ITGB8: variants seen among roughly 807,000 people sequenced by gnomAD.
The protein encoded by ITGB8 is integrin subunit beta 8, also known as integrin beta-8.
A neutral mutation model predicts 89.5 loss-of-function variants in ITGB8; 30 were observed. The ratio of observed to expected loss-of-function variants is 0.34; its 90% CI spans 0.25 to 0.45. The LOEUF is 0.45. ITGB8 is among the 20% of genes least tolerant of loss of function. The probability of loss-of-function intolerance (pLI) is 1.00; values close to 1 mark genes in which losing one functional copy is unlikely to be tolerated. For missense variants in ITGB8, 836 were observed against 933.3 expected, an observed-to-expected ratio of 0.90 and a Z score of 1.36; for synonymous variants, 335 against 320.4, an observed-to-expected ratio of 1.05 and a Z score of -0.49.
upstream of ITGB8, chr7:20,329,830 T>G (rs1004795952): frequency 6.6e-6 from 1 of 152,138 alleles, no homozygotes; most frequent in African/African-American, 2.4e-5. Flanking sequence ...AAACACTGCC[T>G]TGTTTCCAAT....
chr7:20,379,366 G>T (rs779033825), intron 4 of ITGB8, 69 bp downstream of exon 4: 11 of 1,053,434 alleles, frequency 1.0e-5, no homozygotes, highest in Non-Finnish European at 1.4e-5. Context: ...TGTTTTTAAT[G>T]TAAAGAACTT....
At chr7:20,408,153 C>G (rs950638187) in intron 12 of ITGB8, among the ~76,000 whole-genome samples, 5 of 152,106 alleles carry the variant, frequency 3.3e-5, no homozygotes, top group African/African-American at 1.2e-4. Context: ...TTGAGTAGTC[C>G]TAAATCAACC....
intron 4 of ITGB8, 102 bp downstream of exon 4, chr7:20,379,399 TATAAA>T (rs1786282735): frequency 4.2e-6 from 3 of 708,752 alleles, no homozygotes; most frequent in African/African-American, 1.9e-5. Flanking sequence ...ATTTTTATCT[TATAAA>T]ATAAGAATAA....
chr7:20,346,595 G>C (rs1382876644), intron 1 of ITGB8: 1 of 465,352 alleles, frequency 2.1e-6, no homozygotes, highest in African/African-American at 2.1e-5. Context: ...TAATTCTTAG[G>C]GAAGGAAGAG....
chr7:20,394,961 T>C lies in ITGB8; in HGVS notation c.1122T>C (p.Asn374=). The C allele has an allele frequency of 6.2e-7, 1 of 1,612,488 alleles. No homozygotes were observed. The highest frequency in any genetic ancestry group is 1.1e-5 in the South Asian group (1 of 91,046). The change falls in exon 8 of 14, where the codon AAT becomes AAC. Residue 374 remains asparagine, a synonymous_variant. Coordinates refer to ENST00000222573, the MANE Select transcript of ITGB8 (RefSeq NM_002214.3). Reference sequence around the variant, plus strand: ...TAGAATCAAAGGCTGCAAACCTCAATAATTTGGTAGTGGAAGCCTATCAGG... The same window carrying C: ...TAGAATCAAAGGCTGCAAACCTCAACAATTTGGTAGTGGAAGCCTATCAGG... ...GEIESKAANL[N]NLVVEAYQKL...
intron 5 of ITGB8, chr7:20,381,453 T>C: frequency 8.1e-6 from 2 of 247,616 alleles, no homozygotes; most frequent in African/African-American, 2.2e-5. Flanking sequence ...TGAGCCACCG[T>C]GCCTGGCCTC....
chr7:20,387,543 C>G (rs932138821), intron 6 of ITGB8, among the ~76,000 whole-genome samples: 1 of 152,184 alleles, frequency 6.6e-6, no homozygotes, highest in African/African-American at 2.4e-5. Context: ...TTCAGAGCCC[C>G]TGCTGGTGGT....
At chr7:20,396,564 G>A (rs7801277) in intron 8 of ITGB8, among the ~76,000 whole-genome samples, 103,134 of 152,094 alleles carry the variant, frequency 0.68, 35,986 homozygotes, top group East Asian at 0.99. Context: ...AAGGAAGAGC[G>A]TCTTAAATTA....
At chr7:20,390,242 G>C (rs1289970299) in intron 6 of ITGB8, among the ~76,000 whole-genome samples, 2 of 152,128 alleles carry the variant, frequency 1.3e-5, no homozygotes, top group African/African-American at 4.8e-5. Flanking sequence ...ATTGGGCTCA[G>C]TTACATACTA....
In ITGB8 at chr7:20,409,967, T is replaced by C. The variant is rs375056335; in HGVS notation, c.2280T>C (p.Asn760=). 2.0e-4 allele frequency: 319 copies of C among 1,612,640 alleles called. No individual in the cohort carries two copies. The highest frequency in any genetic ancestry group is 2.4e-4 in the Non-Finnish European group (288 of 1,179,602). Residue 760 remains asparagine, a synonymous_variant, in exon 14 of 14, where the codon AAT becomes AAC. Transcript: ENST00000222573. ...TAAAAATGGATATCAGCAAATTAAA[T>C]GCTCATGAAACTTTCAGGTGCAACT... is the stretch of plus-strand genomic sequence containing the variant. The part of the protein sequence containing the change: ...EEIKMDISKL[N]AHETFRCNF
intron 6 of ITGB8, among the ~76,000 whole-genome samples, chr7:20,388,556 G>A (rs957889673): frequency 6.6e-5 from 10 of 152,016 alleles, no homozygotes; most frequent in Admixed American, 6.6e-4. Flanking sequence ...TGAGGTACTT[G>A]GAATTTTCTT....
At position 20,410,040 on chromosome 7, in the gene ITGB8, TA is replaced by T. The variant is rs1460138129; in HGVS notation, c.*45del. On this transcript the variant is annotated 3_prime_UTR_variant, in exon 14 of 14. Transcript: ENST00000222573. ...CTTAATGGGAAACTGGAATTGTTAA[TA>T]ATTGCTCCTAAAGATTATAATTTTA... 9.6e-6 allele frequency: 15 copies of T among 1,570,316 alleles called. No homozygotes were observed. In the African/African-American group the frequency reaches 1.5e-4, roughly 16 times the overall value.
Position 20,394,846 on chromosome 7 carries a change from C to A in ITGB8, c.1057-50C>A, listed in dbSNP as rs755374768. 19 of 1,227,882 alleles carry A rather than the reference C, an allele frequency of 1.5e-5. No homozygotes were observed. In the Admixed American group the frequency reaches 3.1e-4, roughly 20 times the overall value. The allele number at this position is 1,227,882 out of a possible 1,614,324, so 76.1% of individuals were successfully genotyped here. On this transcript the variant is annotated intron_variant, in intron 7 of 13. Transcript: ENST00000222573. ...ATATTTACTATTTGTTGGTTGCTAA[C>A]CCATTACATACTATTGTCATTGTTT... is the stretch of plus-strand genomic sequence containing the variant.
chr7:20,403,247 A>T (rs940454965), intron 10 of ITGB8, among the ~76,000 whole-genome samples: 1 of 152,206 alleles, frequency 6.6e-6, no homozygotes, highest in African/African-American at 2.4e-5. Context: ...ATGAAGCAGC[A>T]GTTGTCTACT....
chr7:20,406,100 A>G lies in ITGB8; in HGVS notation c.1952A>G (p.Gln651Arg), dbSNP rs756725981. 4.3e-6 allele frequency: 7 copies of G among 1,613,134 alleles called. No individual in the cohort carries two copies. The highest frequency in any genetic ancestry group is 5.9e-6 in the Non-Finnish European group (7 of 1,179,120). Residue 651 changes from glutamine (Q) to arginine (R), a missense_variant, in exon 12 of 14, where the codon CAG becomes CGG. By Grantham distance (43) the Gln-to-Arg change is conservative. Coordinates refer to ENST00000222573, the MANE Select transcript of ITGB8 (RefSeq NM_002214.3). ...TGCCTTCACCCTCACAATTTGTCTC[A>G]GGCTATACTTGATCAGTGCAAAACC... ...MQCLHPHNLS[Q>R]AILDQCKTSC...
rs541396949 is a variant in ITGB8, at chr7:20,399,063, G to A, written c.1281+69G>A. 4 of 1,513,568 alleles carry A rather than the reference G, an allele frequency of 2.6e-6. No homozygotes were observed. In the East Asian group the frequency reaches 7.4e-5, roughly 28 times the overall value. The allele number at this position is 1,513,568 out of a possible 1,614,324, so 93.8% of individuals were successfully genotyped here. A position where few individuals can be genotyped will look rare whatever the true frequency, so the allele number is the denominator to read the frequency against. ...TTTGGCGTACTTTCTTACAGAAAAA[G>A]CAAACCATTCTGAAAAATTTTACTT... is the stretch of plus-strand genomic sequence containing the variant. On this transcript the variant is annotated intron_variant, in intron 9 of 13. Coordinates refer to ENST00000222573, the MANE Select transcript of ITGB8 (RefSeq NM_002214.3).
Position 20,413,941 on chromosome 7 carries a change from C to A in ITGB8, c.*3944C>A, listed in dbSNP as rs529270327. The A allele has an allele frequency of 2.0e-5, 3 of 152,098 alleles. No homozygotes were observed. The highest frequency in any genetic ancestry group is 4.4e-5 in the Non-Finnish European group (3 of 67,942). The allele number at this position is 152,098 out of a possible 1,614,324, so 9.4% of individuals were successfully genotyped here. On this transcript the variant is annotated 3_prime_UTR_variant, in exon 14 of 14. Coordinates refer to ENST00000222573, the MANE Select transcript of ITGB8 (RefSeq NM_002214.3). ...ATGCAGACCACTGAGATATAGCTAA[C>A]ATTCTTTCAAATAATTTTCCTTTTC...
At chr7:20,349,401 C>A (rs1414022053) in intron 1 of ITGB8, among the ~76,000 whole-genome samples, 3 of 151,410 alleles carry the variant, frequency 2.0e-5, no homozygotes, top group Non-Finnish European at 4.4e-5. Context: ...TACTTTAGCA[C>A]CAACCTAATA....
intron 1 of ITGB8, among the ~76,000 whole-genome samples, chr7:20,340,824 C>A (rs1445092264): frequency 5.9e-5 from 9 of 152,132 alleles, no homozygotes; most frequent in Non-Finnish European, 1.3e-4. Flanking sequence ...TGTAAAGGAT[C>A]ATTAGAATAT....
Sources: gnomAD v4.1 joint callset for allele counts (sites outside exome capture counted in the v4.1 genomes callset) on GRCh38, gnomAD v4.1.1 for gene constraint, MANE v1.5 for transcripts, NCBI Gene and HGNC (gene_info 2026-07-23, HGNC 2026-07-21) for gene names.